Variants in DNM3 observed in about 807,000 individuals in gnomAD.
DNM3 encodes the protein dynamin 3.
A neutral mutation model predicts 101.6 loss-of-function variants in DNM3; 47 were observed. The observed-to-expected ratio is 0.46, with a 90% CI of 0.37 to 0.59. The LOEUF (loss-of-function observed/expected upper bound fraction) is 0.59. Among genes scored for constraint, DNM3 ranks in the 20% least tolerant of loss-of-function variants. DNM3 has a pLI of 0.00. For missense variants in DNM3, 849 were observed against 1,085.7 expected, an observed-to-expected ratio of 0.78 and a Z score of 3.06; for synonymous variants, 385 against 387.9, an observed-to-expected ratio of 0.99 and a Z score of 0.09.
intron 14 of DNM3, among the ~76,000 whole-genome samples, chr1:172,227,157 A>C (rs112932993): frequency 0.035 from 5,335 of 151,058 alleles, 135 homozygotes; most frequent in Middle Eastern, 0.094. Flanking sequence ...AATATGCAGC[A>C]CTTGGTTTTT....
chr1:172,003,721 G>T (rs2046493977), intron 4 of DNM3, among the ~76,000 whole-genome samples: 2 of 71,752 alleles, frequency 2.8e-5, no homozygotes, highest in African/African-American at 2.3e-4. Flanking sequence ...AGAGGTATTT[G>T]AATAATTTAT....
At chr1:171,854,615 AC>A (rs2033378909) in intron 1 of DNM3, among the ~76,000 whole-genome samples, 1 of 152,152 alleles carries the variant, frequency 6.6e-6, no homozygotes, top group South Asian at 2.1e-4. Context: ...CTACTGGTTT[AC>A]ATGAAATCTT....
At chr1:172,188,438 G>T (rs1316824322) in intron 14 of DNM3, among the ~76,000 whole-genome samples, 1 of 152,044 alleles carries the variant, frequency 6.6e-6, no homozygotes, top group African/African-American at 2.4e-5. Flanking sequence ...CATGACGAAA[G>T]CACCAACTCC....
chr1:172,097,694 G>C (rs1324574844), intron 13 of DNM3, among the ~76,000 whole-genome samples: 1 of 152,156 alleles, frequency 6.6e-6, no homozygotes, highest in African/African-American at 2.4e-5. Context: ...GGAAAACTTG[G>C]AGAGTGGTTA....
chr1:172,360,313 A>G (rs772020851), intron 17 of DNM3, among the ~76,000 whole-genome samples: 1 of 152,032 alleles, frequency 6.6e-6, no homozygotes, highest in Non-Finnish European at 1.5e-5. Flanking sequence ...ACATATAATA[A>G]TAGGTGTCAG....
chr1:171,979,554 G>C (rs532601762), intron 2 of DNM3, among the ~76,000 whole-genome samples: 22 of 152,168 alleles, frequency 1.4e-4, no homozygotes, highest in Non-Finnish European at 2.8e-4. Context: ...GAGCTATGTA[G>C]GTATCAACAG....
At position 172,117,536 on chromosome 1, in the gene DNM3, C is replaced by A. The variant is rs373273726; in HGVS notation, c.1546-13639C>A. Among the ~76,000 whole-genome samples the A allele has an allele frequency of 2.2e-3, 337 of 152,216 alleles. 1 individual carries two copies. Among genetic ancestry groups the A allele is most frequent in the African/African-American group, 7.6e-3 (315 of 41,518 alleles). ...TTCCTCATTTTTTTCTCGCAGCCAC[C>A]GTGTAAGAAGTGCCTTTCATCTCCC... On this transcript the variant is annotated intron_variant, in intron 13 of 20. Transcript: ENST00000627582.
At chr1:172,182,130 A>G (rs1266185506) in intron 14 of DNM3, among the ~76,000 whole-genome samples, 1 of 151,886 alleles carries the variant, frequency 6.6e-6, no homozygotes, top group African/African-American at 2.4e-5. Context: ...AAGGTCATCA[A>G]GCTGGGACGT....
chr1:172,249,602 G>A (rs897017690), intron 14 of DNM3, among the ~76,000 whole-genome samples: 2 of 152,066 alleles, frequency 1.3e-5, no homozygotes, highest in African/African-American at 2.4e-5. Flanking sequence ...GAAAAGAATG[G>A]TGTTGAATCA....
At chr1:171,860,176 T>G (rs1397109847) in intron 1 of DNM3, among the ~76,000 whole-genome samples, 3 of 152,184 alleles carry the variant, frequency 2.0e-5, no homozygotes, top group Non-Finnish European at 2.9e-5. Context: ...GTAGCTATTA[T>G]AACTAATGCT....
At chr1:172,214,383 A>G (rs149601720) in intron 14 of DNM3, among the ~76,000 whole-genome samples, 173 of 152,260 alleles carry the variant, frequency 1.1e-3, no homozygotes, top group African/African-American at 3.9e-3. Context: ...AACATGGCAC[A>G]TGTATACATA....
chr1:171,889,290 T>C (rs2037052353), intron 1 of DNM3, among the ~76,000 whole-genome samples: 2 of 152,064 alleles, frequency 1.3e-5, no homozygotes, highest in South Asian at 4.1e-4. Context: ...TGAATTTAAA[T>C]AGGAGAGAGA....
intron 17 of DNM3, chr1:172,370,136 T>C (rs2068247469): frequency 6.6e-6 from 1 of 151,986 alleles, no homozygotes; most frequent in African/African-American, 2.4e-5. Flanking sequence ...TCATAATGCC[T>C]GTCAAAATAA....
chr1:172,342,672 T>G (rs2066743530), intron 17 of DNM3, among the ~76,000 whole-genome samples: 1 of 152,036 alleles, frequency 6.6e-6, no homozygotes, highest in South Asian at 2.1e-4. Flanking sequence ...CAAACCCCCA[T>G]GACATGAGCT....
chr1:172,143,922 A>T (rs760222936), intron 14 of DNM3, among the ~76,000 whole-genome samples: 23 of 152,114 alleles, frequency 1.5e-4, no homozygotes, highest in Non-Finnish European at 2.5e-4. Context: ...TACAGAAGGA[A>T]ATCTTCAGAA....
chr1:172,315,848 G>T (rs1428742229), intron 16 of DNM3, among the ~76,000 whole-genome samples: 2 of 152,270 alleles, frequency 1.3e-5, no homozygotes, highest in South Asian at 2.1e-4. Context: ...CCCCAATCTA[G>T]CAAGGCAGGC....
intron 14 of DNM3, chr1:172,133,152 G>A: frequency 7.4e-7 from 1 of 1,354,490 alleles, no homozygotes; most frequent in South Asian, 2.0e-5. Context: ...AGTAGCTACT[G>A]CTGTTGGAGT....
At chr1:171,968,213 A>G (rs944628901) in intron 2 of DNM3, among the ~76,000 whole-genome samples, 2 of 152,246 alleles carry the variant, frequency 1.3e-5, no homozygotes, top group South Asian at 4.1e-4. Flanking sequence ...GCTTCTAATC[A>G]GTATGATTCT....
intron 2 of DNM3, among the ~76,000 whole-genome samples, chr1:171,956,150 G>A (rs907094115): frequency 1.3e-5 from 2 of 152,056 alleles, no homozygotes; most frequent in Admixed American, 1.3e-4. Flanking sequence ...AACCAATCAT[G>A]CCTTCCCAAC....
Sources: gnomAD v4.1 joint callset for allele counts (sites outside exome capture counted in the v4.1 genomes callset) on GRCh38, gnomAD v4.1.1 for gene constraint, MANE v1.5 for transcripts, NCBI Gene and HGNC (gene_info 2026-07-23, HGNC 2026-07-21) for gene names.